TMEM156: variants seen among roughly 807,000 people sequenced by gnomAD.
TMEM156 encodes transmembrane protein 156.
A neutral mutation model predicts 30.5 loss-of-function variants in TMEM156; 28 were observed. That is an observed-to-expected ratio of 0.92 (90% CI 0.68 to 1.26). The LOEUF is 1.26. Ranked by LOEUF, TMEM156 falls within the 50% of genes most tolerant of loss-of-function variation. The pLI, the probability that TMEM156 is intolerant of heterozygous loss-of-function variation, is 0.00. For missense variants in TMEM156, 351 were observed against 340.6 expected (o/e 1.03, Z -0.24); for synonymous variants, 137 against 119.9 (o/e 1.14, Z -0.93).
chr4:39,009,459 G>C (rs561473736), intron 1 of TMEM156, among the ~76,000 whole-genome samples: 1 of 152,068 alleles, frequency 6.6e-6, no homozygotes, highest in South Asian at 2.1e-4. Context: ...GGAAACTATA[G>C]GCTAATTTCC....
chr4:39,014,104 G>A (rs1480062880), intron 1 of TMEM156, among the ~76,000 whole-genome samples: 1 of 152,052 alleles, frequency 6.6e-6, no homozygotes, highest in Non-Finnish European at 1.5e-5. Context: ...TAATTTTTAT[G>A]TCATAAAATA....
intron 3 of TMEM156, among the ~76,000 whole-genome samples, chr4:38,990,936 C>A (rs1482506845): frequency 4.9e-5 from 7 of 143,616 alleles, no homozygotes; most frequent in African/African-American, 1.3e-4. Flanking sequence ...CGGGTTCAAG[C>A]GAGTCTCCTG....
intron 5 of TMEM156, among the ~76,000 whole-genome samples, chr4:38,975,622 C>T (rs981776261): frequency 1.3e-5 from 2 of 151,834 alleles, no homozygotes; most frequent in African/African-American, 4.8e-5. Flanking sequence ...ATCTCGAGGC[C>T]TACCTTGGCC....
At chr4:38,984,345 C>CTGTG (rs770530490) in intron 5 of TMEM156, among the ~76,000 whole-genome samples, 1,985 of 114,788 alleles carry the variant, frequency 0.017, 22 homozygotes, top group Middle Eastern at 0.029. Flanking sequence ...CTCTCTCTCT[C>CTGTG]TCTCTGTGTG....
Position 38,971,140 on chromosome 4 carries a change from A to T in TMEM156, c.824-3T>A, listed in dbSNP as rs1046880019. ...AGGCAGCCTCTGCGTGGTCTCTGCT[A>T]TTTAAGAAGGAGAACTGTTTTAGTC... On this transcript the variant is annotated splice_polypyrimidine_tract_variant and splice_region_variant and intron_variant, in intron 5 of 6. Coordinates refer to ENST00000381938, the MANE Select transcript of TMEM156 (RefSeq NM_024943.3). 3 of 1,613,832 alleles carry T rather than the reference A, an allele frequency of 1.9e-6. No individual in the cohort carries two copies. Among genetic ancestry groups the T allele is most frequent in the Non-Finnish European group, 1.7e-6 (2 of 1,179,762 alleles).
chr4:38,983,898 G>A (rs935983675), intron 5 of TMEM156, among the ~76,000 whole-genome samples: 7 of 152,154 alleles, frequency 4.6e-5, no homozygotes, highest in Admixed American at 2.6e-4. Flanking sequence ...TTGCTCATCC[G>A]CTCTTTTTAC....
chr4:38,992,702 TA>T, intron 3 of TMEM156, among the ~76,000 whole-genome samples: 2 of 48,768 alleles, frequency 4.1e-5, no homozygotes, highest in African/African-American at 1.7e-4. Flanking sequence ...TATTATATAA[TA>T]TATATATATT....
chr4:38,993,651 G>T, intron 3 of TMEM156, 87 bp downstream of exon 3: 1 of 1,089,104 alleles, frequency 9.2e-7, no homozygotes, highest in East Asian at 2.4e-5. Context: ...CAGCTATTTG[G>T]CTTTCAGTTA....
intron 1 of TMEM156, among the ~76,000 whole-genome samples, chr4:39,012,360 T>C (rs1714182940): frequency 6.6e-6 from 1 of 152,144 alleles, no homozygotes; most frequent in Non-Finnish European, 1.5e-5. Context: ...CAGACCAAAA[T>C]ATCAATAGCA....
chr4:39,001,222 A>AG (rs1713329448), intron 1 of TMEM156, among the ~76,000 whole-genome samples: 1 of 149,760 alleles, frequency 6.7e-6, no homozygotes, highest in Admixed American at 6.6e-5. Context: ...TACAAAAAAA[A>AG]AAAAAAAAGA....
rs1271037053 is a variant in TMEM156 at position 38,989,790 on chromosome 4, C to CTTATT, written c.620-825_620-821dup. 9.6e-3 allele frequency among the ~76,000 whole-genome samples: 1,195 copies of CTTATT among 124,716 alleles called. 19 individuals are homozygous for CTTATT. The highest frequency in any genetic ancestry group is 0.029 in the African/African-American group (1,055 of 36,020). 81.8% of individuals were successfully genotyped at this position (124,716 alleles called of 152,430 possible). On this transcript the variant is annotated intron_variant, in intron 3 of 6. Coordinates refer to ENST00000381938, the MANE Select transcript of TMEM156 (RefSeq NM_024943.3). ...CATTTTTTATTTTATTTTATTTTAT[C>CTTATT]TTATTTTATTTTATTTTATTTTATT...
chr4:38,976,807 C>T (rs6819796), intron 5 of TMEM156, among the ~76,000 whole-genome samples: 8 of 152,100 alleles, frequency 5.3e-5, no homozygotes, highest in African/African-American at 1.9e-4. Flanking sequence ...TTGATTCTGA[C>T]GCACATTAAA....
intron 1 of TMEM156, among the ~76,000 whole-genome samples, chr4:39,022,931 A>G (rs912154541): frequency 2.6e-5 from 4 of 152,218 alleles, no homozygotes; most frequent in African/African-American, 9.6e-5. Flanking sequence ...TATTGCTAGT[A>G]CAACCACTTT....
At chr4:38,978,778 G>A (rs1164917313) in intron 5 of TMEM156, among the ~76,000 whole-genome samples, 3 of 152,122 alleles carry the variant, frequency 2.0e-5, no homozygotes, top group Non-Finnish European at 4.4e-5. Flanking sequence ...TATCTGCCAA[G>A]GAATGCATTT....
chr4:39,010,991 A>G (rs1714074449), intron 1 of TMEM156, among the ~76,000 whole-genome samples: 1 of 152,182 alleles, frequency 6.6e-6, no homozygotes, highest in Non-Finnish European at 1.5e-5. Context: ...ACAAAATGGA[A>G]GAAAATATTT....
intron 1 of TMEM156, among the ~76,000 whole-genome samples, chr4:39,020,209 T>C (rs1241566070): frequency 6.6e-6 from 1 of 152,258 alleles, no homozygotes; most frequent in African/African-American, 2.4e-5. Context: ...CATTCACTGA[T>C]GGACACTTAC....
chr4:38,996,478 A>G (rs995118114), intron 2 of TMEM156, among the ~76,000 whole-genome samples: 1 of 152,068 alleles, frequency 6.6e-6, no homozygotes, highest in Non-Finnish European at 1.5e-5. Context: ...AGGCTGAGGC[A>G]GGAGAATCGC....
intron 2 of TMEM156, among the ~76,000 whole-genome samples, 163 bp from the exon 3 acceptor site, chr4:38,994,161 G>A (rs1048729948): frequency 1.1e-4 from 17 of 152,142 alleles, no homozygotes; most frequent in African/African-American, 3.1e-4. Flanking sequence ...GTCTCACTCC[G>A]TCTCCCAGGC....
intron 6 of TMEM156, among the ~76,000 whole-genome samples, chr4:38,969,513 T>C (rs1722497646): frequency 6.6e-6 from 1 of 152,256 alleles, no homozygotes; most frequent in African/African-American, 2.4e-5. Flanking sequence ...TCTTTGCTAT[T>C]GTGAATAGTG....
Sources: allele counts gnomAD v4.1 joint callset (sites outside exome capture counted in the v4.1 genomes callset), GRCh38; gene constraint gnomAD v4.1.1; transcripts MANE v1.5; gene names NCBI Gene and HGNC (gene_info 2026-07-23, HGNC 2026-07-21).